The following MBNL2 variants were observed in gnomAD, a reference collection of about 807,000 sequenced individuals.
The protein encoded by MBNL2 is muscleblind like splicing regulator 2.
A neutral mutation model predicts 41.9 loss-of-function variants in MBNL2; 17 were observed. That is an observed-to-expected ratio of 0.41 (90% CI 0.28 to 0.61). The LOEUF is 0.61. MBNL2 is among the 20% of genes least tolerant of loss of function. The pLI is 0.35. For missense variants in MBNL2, 336 were observed against 505.6 expected (o/e 0.66, Z 3.22); for synonymous variants, 195 against 182.9 (o/e 1.07, Z -0.53).
intron 3 of MBNL2, among the ~76,000 whole-genome samples, chr13:97,335,783 C>T (rs558548454): frequency 3.3e-5 from 5 of 152,258 alleles, no homozygotes; most frequent in Admixed American, 6.5e-5. Context: ...AAGGACTAGA[C>T]GCAGATAGAG....
the MBNL2 span, among the ~76,000 whole-genome samples, chr13:97,215,961 G>A: frequency 1.3e-5 from 2 of 152,164 alleles, no homozygotes; most frequent in Non-Finnish European, 2.9e-5. Context: ...GCACTGCTAT[G>A]TACCATGTTC....
At chr13:97,236,805 G>C (rs1447911543) in intron 1 of MBNL2, among the ~76,000 whole-genome samples, 19 of 152,178 alleles carry the variant, frequency 1.2e-4, no homozygotes. Context: ...GAAATGATCA[G>C]TGCTAACTAA....
chr13:97,347,557 T>C (rs535096167), intron 5 of MBNL2, among the ~76,000 whole-genome samples: 71 of 152,340 alleles, frequency 4.7e-4, no homozygotes, highest in African/African-American at 1.6e-3. Context: ...TCCTCTTCTT[T>C]CACTTATTAC....
Position 97,346,398 on chromosome 13 carries a change from G to A in MBNL2, c.541-406G>A, listed in dbSNP as rs1417126244. Among the ~76,000 whole-genome samples, 1 of 151,826 alleles carries A rather than the reference G, an allele frequency of 6.6e-6. No homozygotes were observed. Among genetic ancestry groups the A allele is most frequent in the Non-Finnish European group, 1.5e-5 (1 of 67,968 alleles). On this transcript the variant is annotated intron_variant, in intron 4 of 8. Coordinates refer to ENST00000679496, the MANE Select transcript of MBNL2 (RefSeq NM_001382683.1). The surrounding 1 kb of genome is among the most constrained non-coding windows in gnomAD (Gnocchi z 4.2). ...TAGATGATTGGATAGATTGATTGAT[G>A]GTAGATGATAGATGAAGGAATGGAT...
chr13:97,154,029 A>G, the MBNL2 span, among the ~76,000 whole-genome samples: 3 of 152,316 alleles, frequency 2.0e-5, no homozygotes, highest in South Asian at 6.2e-4. Flanking sequence ...TGTAGGATAA[A>G]TATTCTGCCA....
intron 8 of MBNL2, among the ~76,000 whole-genome samples, chr13:97,367,523 AC>A (rs1184439021): frequency 6.6e-6 from 1 of 152,202 alleles, no homozygotes; most frequent in Non-Finnish European, 1.5e-5. Flanking sequence ...TTGGGGGATC[AC>A]GGCAGTCCCA....
chr13:97,231,662 C>T (rs1284901971), intron 1 of MBNL2, among the ~76,000 whole-genome samples: 1 of 152,210 alleles, frequency 6.6e-6, no homozygotes, highest in Non-Finnish European at 1.5e-5. Flanking sequence ...TCTGTGACTA[C>T]ACACAGCCTG....
At chr13:97,285,540 G>C (rs74109434) in intron 2 of MBNL2, among the ~76,000 whole-genome samples, 173 of 152,278 alleles carry the variant, frequency 1.1e-3, no homozygotes, top group African/African-American at 3.9e-3. Context: ...TTCAAATTTT[G>C]ATGTGATGTT....
intron 2 of MBNL2, among the ~76,000 whole-genome samples, chr13:97,323,728 G>T (rs2059689783): frequency 6.6e-6 from 1 of 151,990 alleles, no homozygotes; most frequent in Non-Finnish European, 1.5e-5. Context: ...CCATAGAGTG[G>T]TTGTCAATTA....
the MBNL2 span, among the ~76,000 whole-genome samples, chr13:97,198,266 C>G: frequency 6.6e-6 from 1 of 152,028 alleles, no homozygotes; most frequent in African/African-American, 2.4e-5. Context: ...TGCCTGATGG[C>G]CTTTGAACTA....
the MBNL2 span, among the ~76,000 whole-genome samples, chr13:97,194,702 C>T: frequency 6.6e-6 from 1 of 152,162 alleles, no homozygotes; most frequent in African/African-American, 2.4e-5. Context: ...TGGCCAAAAC[C>T]CAACAAACTC....
At chr13:97,166,599 A>T in the MBNL2 span, among the ~76,000 whole-genome samples, 1 of 152,114 alleles carries the variant, frequency 6.6e-6, no homozygotes, top group East Asian at 1.9e-4. Flanking sequence ...ATGTGAAAAG[A>T]GGAGACTGGC....
Position 97,276,443 on chromosome 13 carries a change from C to T in MBNL2, c.174+34C>T, listed in dbSNP as rs1189550261. ...ATGCGTTTTATGTGTCATTTCAATA[C>T]CACATTGGAATTGCAAACAGAAGGC... On this transcript the variant is annotated intron_variant, in intron 2 of 8. Coordinates refer to ENST00000679496, the MANE Select transcript of MBNL2 (RefSeq NM_001382683.1). 14 of 1,573,458 alleles carry T rather than the reference C, an allele frequency of 8.9e-6. No homozygotes were observed. The East Asian group carries it at 2.5e-4, about 28-fold the overall frequency.
At chr13:97,154,675 G>A in the MBNL2 span, among the ~76,000 whole-genome samples, 2 of 152,206 alleles carry the variant, frequency 1.3e-5, no homozygotes, top group East Asian at 3.9e-4. Context: ...TGGATGATGC[G>A]GGGAAGGCAA....
At chr13:97,142,564 C>T in the MBNL2 span, among the ~76,000 whole-genome samples, 1 of 152,208 alleles carries the variant, frequency 6.6e-6, no homozygotes, top group Non-Finnish European at 1.5e-5. Flanking sequence ...TCCACCTCCC[C>T]ACACTGGCCT....
chr13:97,288,656 C>A lies in MBNL2; in HGVS notation c.174+12247C>A, dbSNP rs369659616. ...ACCCATTTCACAATTTTTCCATTAACTGACCCTGCTAATACTAAATAGCAC... is the reference window on the plus strand; with the variant it reads ...ACCCATTTCACAATTTTTCCATTAAATGACCCTGCTAATACTAAATAGCAC... On this transcript the variant is annotated intron_variant, in intron 2 of 8. Coordinates refer to ENST00000679496, the MANE Select transcript of MBNL2 (RefSeq NM_001382683.1). Among the ~76,000 whole-genome samples the A allele has an allele frequency of 9.2e-5, 14 of 152,334 alleles. 1 individual carries two copies. Among genetic ancestry groups the A allele is most frequent in the African/African-American group, 3.4e-4 (14 of 41,582 alleles).
chr13:97,381,098 T>C (rs1023133136), intron 8 of MBNL2, among the ~76,000 whole-genome samples: 2 of 145,790 alleles, frequency 1.4e-5, no homozygotes, highest in African/African-American at 5.6e-5. Context: ...TCCCTCTCTT[T>C]CTCTCTCCCT....
the MBNL2 span, among the ~76,000 whole-genome samples, chr13:97,166,782 TGATAGATA>T: frequency 0.25 from 34,732 of 139,784 alleles, 4,363 homozygotes; most frequent in Middle Eastern, 0.28. Flanking sequence ...AAACTTCCCT[TGATAGATA>T]GATAGATAGA....
chr13:97,154,762 T>C, the MBNL2 span, among the ~76,000 whole-genome samples: 1 of 151,954 alleles, frequency 6.6e-6, no homozygotes, highest in Non-Finnish European at 1.5e-5. Context: ...TGATACTATG[T>C]AAATGTTTCC....
Sources: allele counts gnomAD v4.1 joint callset (sites outside exome capture counted in the v4.1 genomes callset), GRCh38; gene constraint gnomAD v4.1.1; non-coding constraint Gnocchi (gnomAD v3.1); transcripts MANE v1.5; gene names NCBI Gene and HGNC (gene_info 2026-07-23, HGNC 2026-07-21).